RPS6KA2: variants seen among roughly 807,000 people sequenced by gnomAD.
RPS6KA2 encodes the protein ribosomal protein S6 kinase A2, also known as ribosomal protein S6 kinase alpha-2.
A neutral mutation model predicts 91.8 loss-of-function variants in RPS6KA2; 42 were observed. The observed-to-expected ratio is 0.46, with a 90% CI of 0.36 to 0.59. The LOEUF (loss-of-function observed/expected upper bound fraction) is 0.59. Among genes scored for constraint, RPS6KA2 ranks in the 20% least tolerant of loss-of-function variants. The pLI, the probability that RPS6KA2 is intolerant of heterozygous loss-of-function variation, is 0.00. For synonymous variants in RPS6KA2, 414 were observed against 393.6 expected (o/e 1.05, Z -0.61); for missense variants, 798 against 978.5 (o/e 0.82, Z 2.46).
upstream of RPS6KA2, among the ~76,000 whole-genome samples, chr6:166,631,460 A>T (rs1411321136): frequency 6.6e-6 from 1 of 152,240 alleles, no homozygotes; most frequent in East Asian, 1.9e-4. Context: ...GGCTCACAGA[A>T]GGTGGGCTTC....
At chr6:166,681,275 T>G (rs1271043591) in intron 2 of RPS6KA2, among the ~76,000 whole-genome samples, 1 of 152,176 alleles carries the variant, frequency 6.6e-6, no homozygotes, top group African/African-American at 2.4e-5. Flanking sequence ...CAAAAAGAAG[T>G]GGGTTGCACA....
At chr6:166,611,803 T>G (rs188882866) in intron 1 of RPS6KA2, among the ~76,000 whole-genome samples, 1 of 152,204 alleles carries the variant, frequency 6.6e-6, no homozygotes, top group Non-Finnish European at 1.5e-5. Context: ...CACGTTTCCA[T>G]GTTTCTCCAC....
chr6:166,620,988 T>C (rs1453452920), intron 1 of RPS6KA2, among the ~76,000 whole-genome samples: 3 of 152,164 alleles, frequency 2.0e-5, no homozygotes, highest in East Asian at 3.9e-4. Context: ...ACCTGCTCCA[T>C]GCCTGCAGAA....
intron 12 of RPS6KA2, among the ~76,000 whole-genome samples, chr6:166,455,414 C>T (rs1399565683): frequency 1.3e-5 from 2 of 152,112 alleles, no homozygotes; most frequent in Admixed American, 1.3e-4. Context: ...GCGTCATGGA[C>T]CCGGGCTCAT....
At chr6:166,667,193 G>A (rs1244891650) in intron 2 of RPS6KA2, among the ~76,000 whole-genome samples, 2 of 152,218 alleles carry the variant, frequency 1.3e-5, no homozygotes, top group Admixed American at 1.3e-4. Flanking sequence ...ACAGCAATGT[G>A]AGTGTACCCA....
At chr6:166,755,516 A>G (rs1270415728) in intron 2 of RPS6KA2, among the ~76,000 whole-genome samples, 2 of 151,982 alleles carry the variant, frequency 1.3e-5, no homozygotes, top group African/African-American at 4.8e-5. Context: ...TTATGTTTCC[A>G]GTCTGCCCTG....
chr6:166,438,948 G>C (rs1779430821), intron 14 of RPS6KA2, among the ~76,000 whole-genome samples: 1 of 152,188 alleles, frequency 6.6e-6, no homozygotes, highest in African/African-American at 2.4e-5. Flanking sequence ...AATGAAAAAA[G>C]TAACCAGCTT....
chr6:166,436,426 C>T (rs1779309140), intron 14 of RPS6KA2, among the ~76,000 whole-genome samples: 1 of 152,102 alleles, frequency 6.6e-6, no homozygotes, highest in East Asian at 1.9e-4. Context: ...CACTGGCCGG[C>T]CAGCAAGGCA....
intron 2 of RPS6KA2, among the ~76,000 whole-genome samples, chr6:166,681,406 C>G (rs568005511): frequency 6.6e-6 from 1 of 152,266 alleles, no homozygotes; most frequent in South Asian, 2.1e-4. Flanking sequence ...GAAACCACGC[C>G]CTTCTTCTAG....
chr6:166,757,596 C>CG (rs1778051885), intron 2 of RPS6KA2: 3 of 456,100 alleles, frequency 6.6e-6, no homozygotes, highest in Non-Finnish European at 1.3e-5. Context: ...CCCCAGGTCC[C>CG]GGGGGCCGGG....
rs1404354570 is a variant in RPS6KA2 at position 166,412,291 on chromosome 6, G to C, written c.*471C>G. On this transcript the variant is annotated 3_prime_UTR_variant, in exon 21 of 21. Transcript: ENST00000265678. This position sits in a 1 kb window ranked among gnomAD's most constrained non-coding sequence, Gnocchi z 4.3. The stretch of plus-strand genomic sequence containing the variant: ...TCATCCAGCCCGTGGGGAGCCCCGG[G>C]ATGCCAGGTCACCCCAGCCCTCTGG... 6.5e-6 allele frequency: 1 copy of C among 153,264 alleles called. No individual in the cohort carries two copies. Among genetic ancestry groups the C allele is most frequent in the Non-Finnish European group, 1.5e-5 (1 of 68,566 alleles). 9.5% of individuals were successfully genotyped at this position (153,264 alleles called of 1,614,324 possible).
intron 1 of RPS6KA2, among the ~76,000 whole-genome samples, chr6:166,573,702 G>A (rs1046659830): frequency 6.6e-6 from 1 of 152,204 alleles, no homozygotes; most frequent in African/African-American, 2.4e-5. Flanking sequence ...CGTAAACACC[G>A]AGGTTCTCTT....
intron 16 of RPS6KA2, among the ~76,000 whole-genome samples, chr6:166,430,244 AG>A (rs1160153754): frequency 6.6e-6 from 1 of 152,118 alleles, no homozygotes; most frequent in African/African-American, 2.4e-5. Flanking sequence ...CTGGGATTAC[AG>A]GTGTGAGCCA....
In RPS6KA2 at chr6:166,626,868, C is replaced by T; in HGVS notation, c.99+53G>A. 7.3e-7 allele frequency: 1 copy of T among 1,378,994 alleles called. No individual in the cohort carries two copies. The highest frequency in any genetic ancestry group is 9.5e-7 in the Non-Finnish European group (1 of 1,052,684). The allele number at this position is 1,378,994 out of a possible 1,614,324, so 85.4% of individuals were successfully genotyped here. ...GGGGTGGCGAGGCGGGCTCGGGCGA[C>T]CACGGCCCGCTCAGTGCCCGGCACC... On this transcript the variant is annotated intron_variant, in intron 1 of 20. Transcript: ENST00000265678. This position sits in a 1 kb window ranked among gnomAD's most constrained non-coding sequence, Gnocchi z 4.1.
At position 166,664,304 on chromosome 6, in the gene RPS6KA2, C is replaced by T. The variant is rs150686709; in HGVS notation, c.124-125520G>A. Among the ~76,000 whole-genome samples the T allele has an allele frequency of 3.0e-4, 45 of 152,374 alleles. No individual in the cohort carries two copies. In the East Asian group the frequency reaches 8.3e-3, roughly 28 times the overall value. ...CCTTCTACTGAGCCCAGTGAGCTCA[C>T]AGCTGGAACGCTGCTCCACGGGACT... On this transcript the variant is annotated intron_variant, in intron 2 of 21. Coordinates refer to the RPS6KA2 transcript ENST00000503859.
chr6:166,587,666 T>TTTTATA (rs10651328), intron 1 of RPS6KA2, among the ~76,000 whole-genome samples: 54,256 of 148,752 alleles, frequency 0.36, 10,155 homozygotes, highest in East Asian at 0.52. Flanking sequence ...AAAATAAATA[T>TTTTATA]TATATATATA....
rs368512404 is a variant in RPS6KA2 at position 166,613,680 on chromosome 6, G to A, written c.99+13241C>T. On this transcript the variant is annotated intron_variant, in intron 1 of 20. Coordinates refer to ENST00000265678, the MANE Select transcript of RPS6KA2 (RefSeq NM_021135.6). ...CTGCCAGCCTTCAATCTAATTGCAC[G>A]CATCACCCAAAGGATCCTTTTAAAT... 8.5e-5 allele frequency among the ~76,000 whole-genome samples: 13 copies of A among 152,142 alleles called. 1 individual carries two copies. In the East Asian group the frequency reaches 1.7e-3, roughly 20 times the overall value.
At chr6:166,691,848 G>A (rs990841679) in intron 2 of RPS6KA2, among the ~76,000 whole-genome samples, 1 of 152,080 alleles carries the variant, frequency 6.6e-6, no homozygotes, top group Non-Finnish European at 1.5e-5. Flanking sequence ...ACCCTTACAC[G>A]GGGAAAGGAA....
At chr6:166,422,718 C>CACAG (rs1359064521) in intron 17 of RPS6KA2, among the ~76,000 whole-genome samples, 1 of 152,206 alleles carries the variant, frequency 6.6e-6, no homozygotes, top group African/African-American at 2.4e-5. Flanking sequence ...TGGGAGCAGA[C>CACAG]ACAGACACTG....
Sources: gnomAD v4.1 joint callset for allele counts (sites outside exome capture counted in the v4.1 genomes callset) on GRCh38, gnomAD v4.1.1 for gene constraint, Gnocchi (gnomAD v3.1) non-coding constraint, MANE v1.5 for transcripts, NCBI Gene and HGNC (gene_info 2026-07-23, HGNC 2026-07-21) for gene names.